The following SPAG16 variants were observed in gnomAD, a reference collection of about 807,000 sequenced individuals.
SPAG16 encodes the protein sperm associated antigen 16.
A neutral mutation model predicts 80.4 loss-of-function variants in SPAG16; 86 were observed. The ratio of observed to expected loss-of-function variants is 1.07; its 90% CI spans 0.90 to 1.28. The LOEUF is 1.28. SPAG16 is among the 50% of genes most tolerant of loss of function. SPAG16 has a pLI of 0.00. For synonymous variants in SPAG16, 294 were observed against 265.9 expected, an observed-to-expected ratio of 1.11 and a Z score of -1.03; for missense variants, 870 against 765.3, an observed-to-expected ratio of 1.14 and a Z score of -1.61.
chr2:214,397,917 G>C (rs189171066), intron 15 of SPAG16, among the ~76,000 whole-genome samples: 40 of 152,272 alleles, frequency 2.6e-4, no homozygotes, highest in African/African-American at 9.6e-4. Context: ...CATTTGGGTA[G>C]TTCTCCGTAT....
At chr2:214,169,921 A>T (rs1413837668) in intron 15 of SPAG16, among the ~76,000 whole-genome samples, 1 of 152,062 alleles carries the variant, frequency 6.6e-6, no homozygotes, top group African/African-American at 2.4e-5. Context: ...AACTATTTGG[A>T]GGCCTGCCCA....
intron 12 of SPAG16, among the ~76,000 whole-genome samples, chr2:213,983,378 T>G (rs1288254094): frequency 6.6e-6 from 1 of 151,976 alleles, no homozygotes; most frequent in Non-Finnish European, 1.5e-5. Flanking sequence ...TATTATAGTC[T>G]CAGATTATGC....
intron 1 of SPAG16, among the ~76,000 whole-genome samples, chr2:213,292,462 A>G (rs1378836229): frequency 6.6e-6 from 1 of 151,648 alleles, no homozygotes; most frequent in Admixed American, 6.6e-5. Flanking sequence ...CAGGAGATCG[A>G]GACCATCCCG....
chr2:213,998,205 G>A (rs1276848564), intron 12 of SPAG16, among the ~76,000 whole-genome samples: 1 of 152,092 alleles, frequency 6.6e-6, no homozygotes, highest in Non-Finnish European at 1.5e-5. Context: ...TGCATTGAGG[G>A]TTAAATACTG....
chr2:213,835,266 T>A (rs1298629731), intron 10 of SPAG16, among the ~76,000 whole-genome samples: 2 of 152,208 alleles, frequency 1.3e-5, no homozygotes, highest in African/African-American at 4.8e-5. Flanking sequence ...TCCATGTTCG[T>A]TATGCCATTT....
chr2:213,509,941 G>T (rs1242737652), intron 10 of SPAG16, among the ~76,000 whole-genome samples: 1 of 152,134 alleles, frequency 6.6e-6, no homozygotes, highest in Non-Finnish European at 1.5e-5. Context: ...AAGAAGAAAA[G>T]AGAGAAGAAT....
chr2:213,905,748 C>A (rs1193112619), intron 11 of SPAG16, among the ~76,000 whole-genome samples: 1 of 152,088 alleles, frequency 6.6e-6, no homozygotes, highest in East Asian at 1.9e-4. Context: ...GGAAGGATGG[C>A]AGGGAGAGGG....
intron 9 of SPAG16, among the ~76,000 whole-genome samples, chr2:213,484,218 G>A (rs929071737): frequency 6.6e-6 from 1 of 152,018 alleles, no homozygotes; most frequent in Non-Finnish European, 1.5e-5. Context: ...TACTTGAGGA[G>A]TACTAAATTA....
intron 13 of SPAG16, among the ~76,000 whole-genome samples, chr2:214,095,953 C>T (rs1576172441): frequency 1.3e-5 from 2 of 151,768 alleles, no homozygotes; most frequent in Non-Finnish European, 2.9e-5. Flanking sequence ...GTATATATAT[C>T]CTAAAGCAGG....
rs534864570 is a variant in SPAG16 at position 214,122,073 on chromosome 2, C to T, written c.1593+13812C>T. On this transcript the variant is annotated intron_variant, in intron 14 of 15. Coordinates refer to ENST00000331683, the MANE Select transcript of SPAG16 (RefSeq NM_024532.5). ...GAAGTAAATAAAAAATAATCACACACAAATATGTATAATATAAATTCCTTA... is the reference window on the plus strand; with the variant it reads ...GAAGTAAATAAAAAATAATCACACATAAATATGTATAATATAAATTCCTTA... Among the ~76,000 whole-genome samples the T allele has an allele frequency of 2.6e-5, 4 of 151,638 alleles. No homozygotes were observed. In the South Asian group the frequency reaches 6.2e-4, roughly 24 times the overall value.
At chr2:213,675,602 A>G (rs761326176) in intron 10 of SPAG16, among the ~76,000 whole-genome samples, 2 of 152,214 alleles carry the variant, frequency 1.3e-5, no homozygotes, top group Non-Finnish European at 2.9e-5. Context: ...CTTTCTACAT[A>G]TGGCCAGCCA....
At chr2:213,731,821 A>G (rs570078137) in intron 10 of SPAG16, among the ~76,000 whole-genome samples, 1 of 152,276 alleles carries the variant, frequency 6.6e-6, no homozygotes, top group South Asian at 2.1e-4. Flanking sequence ...ATAGTATTCC[A>G]TAGTGTATAT....
chr2:213,977,917 C>T lies in SPAG16; in HGVS notation c.1401-36034C>T, dbSNP rs1042878505. On this transcript the variant is annotated intron_variant, in intron 12 of 15. Coordinates refer to ENST00000331683, the MANE Select transcript of SPAG16 (RefSeq NM_024532.5). ...TGCATCTTTTCTATATAAGCCTCTT[C>T]TCTACCCTCTTCCACTGAGATGGCT... Among the ~76,000 whole-genome samples, 14 of 152,030 alleles carry T rather than the reference C, an allele frequency of 9.2e-5. 1 individual carries two copies. The highest frequency in any genetic ancestry group is 2.7e-4 in the African/African-American group (11 of 41,418).
chr2:213,884,715 T>G (rs10174347), intron 11 of SPAG16, among the ~76,000 whole-genome samples: 90,351 of 152,002 alleles, frequency 0.59, 28,737 homozygotes, highest in South Asian at 0.85. Context: ...ATTTTTATCT[T>G]ACTGTGTTGA....
intron 9 of SPAG16, among the ~76,000 whole-genome samples, chr2:213,465,988 C>G (rs2072668732): frequency 6.6e-6 from 1 of 152,108 alleles, no homozygotes; most frequent in Admixed American, 6.5e-5. Flanking sequence ...TGGGTGGGCA[C>G]AATCTAATAA....
chr2:213,394,126 TTTGA>T (rs2067914183), intron 9 of SPAG16, among the ~76,000 whole-genome samples: 1 of 152,102 alleles, frequency 6.6e-6, no homozygotes, highest in Non-Finnish European at 1.5e-5. Context: ...CTTACTGTCA[TTTGA>T]TTAAGAAACC....
At chr2:214,321,241 C>A (rs1431597049) in intron 15 of SPAG16, among the ~76,000 whole-genome samples, 1 of 152,006 alleles carries the variant, frequency 6.6e-6, no homozygotes, top group East Asian at 1.9e-4. Context: ...TTTAATAAAG[C>A]AATGACAAAA....
chr2:214,264,358 A>G (rs879828423), intron 15 of SPAG16, among the ~76,000 whole-genome samples: 10 of 152,190 alleles, frequency 6.6e-5, no homozygotes, highest in African/African-American at 2.4e-4. Flanking sequence ...CAGCCACACT[A>G]GCATGGACAT....
In SPAG16 at chr2:214,062,736, T is replaced by G. The variant is rs953657092; in HGVS notation, c.1528-45460T>G. On this transcript the variant is annotated intron_variant, in intron 13 of 15. Transcript: ENST00000331683. Reference sequence around the variant, plus strand: ...ATCTCGACATGGTAAAACAGAGTGATTCTTGCAACATGTGACTCTGATCAG... The same window carrying G: ...ATCTCGACATGGTAAAACAGAGTGAGTCTTGCAACATGTGACTCTGATCAG... 3.3e-5 allele frequency among the ~76,000 whole-genome samples: 5 copies of G among 150,230 alleles called. No individual in the cohort carries two copies. In the South Asian group the frequency reaches 1.1e-3, roughly 32 times the overall value.
Sources: gnomAD v4.1 joint callset for allele counts (sites outside exome capture counted in the v4.1 genomes callset) on GRCh38, gnomAD v4.1.1 for gene constraint, MANE v1.5 for transcripts, NCBI Gene and HGNC (gene_info 2026-07-23, HGNC 2026-07-21) for gene names.